Variants in ABCG5 observed in about 807,000 individuals in gnomAD.
The protein encoded by ABCG5 is ATP binding cassette subfamily G member 5, also known as ATP-binding cassette sub-family G member 5.
ABCG5 carries 64 observed loss-of-function variants against 64.5 expected under a neutral mutation model. The observed-to-expected ratio is 0.99, with a 90% CI of 0.81 to 1.22. The LOEUF is 1.22. Among genes scored for constraint, ABCG5 ranks in the 50% most tolerant of loss-of-function variants. The pLI, the probability that ABCG5 is intolerant of heterozygous loss-of-function variation, is 0.00. For synonymous variants in ABCG5, 385 were observed against 326.3 expected (o/e 1.18, Z -1.94); for missense variants, 908 against 829.5 (o/e 1.09, Z -1.16).
chr2:43,820,319 C>G (rs17031675), intron 10 of ABCG5, among the ~76,000 whole-genome samples: 2 of 152,162 alleles, frequency 1.3e-5, no homozygotes, highest in South Asian at 2.1e-4. Context: ...TGGGAGCCAC[C>G]TTTTCCCTTT....
intron 7 of ABCG5, 107 bp from the exon 8 acceptor site, chr2:43,824,539 A>G: frequency 1.3e-6 from 2 of 1,591,598 alleles, no homozygotes; most frequent in Non-Finnish European, 1.7e-6. Flanking sequence ...CATCCCATCA[A>G]GATAAAATTT....
Position 43,817,460 on chromosome 2 carries a change from G to A in ABCG5, c.1649+2455C>T, listed in dbSNP as rs191532904. 5.3e-5 allele frequency among the ~76,000 whole-genome samples: 8 copies of A among 152,044 alleles called. No homozygotes were observed. In the East Asian group the frequency reaches 1.6e-3, roughly 30 times the overall value. On this transcript the variant is annotated intron_variant, in intron 11 of 12. Coordinates refer to ENST00000405322, the MANE Select transcript of ABCG5 (RefSeq NM_022436.3). Reference sequence around the variant, plus strand: ...AGATCGTGCCATTGCATTCCAGCCTGGGTGACAGAGTGAGTGAGACTCTGC... The same window carrying A: ...AGATCGTGCCATTGCATTCCAGCCTAGGTGACAGAGTGAGTGAGACTCTGC...
chr2:43,838,995 G>C, upstream of ABCG5: 7 of 1,517,350 alleles, frequency 4.6e-6, no homozygotes, highest in Non-Finnish European at 6.3e-6. The surrounding 1 kb of genome is among the most constrained non-coding windows in gnomAD (Gnocchi z 4.2). Context: ...CACTGGCCCT[G>C]GCAGGCAGCA....
intron 12 of ABCG5, among the ~76,000 whole-genome samples, chr2:43,813,709 GTTTTTTTTTTTTTT>G (rs1214033245): frequency 1.8e-4 from 6 of 34,068 alleles, no homozygotes; most frequent in African/African-American, 2.6e-4. Flanking sequence ...TTTTTTTTTC[GTTTTTTTTTTTTTT>G]TTTTTTTTTT....
intron 2 of ABCG5, among the ~76,000 whole-genome samples, chr2:43,836,475 T>G (rs1572803535): frequency 3.9e-5 from 6 of 152,304 alleles, no homozygotes; most frequent in Admixed American, 3.9e-4. Flanking sequence ...GTGGAGCCAA[T>G]TTGTCAGAAG....
At chr2:43,828,309 G>A in intron 4 of ABCG5, 194 bp from the exon 5 acceptor site, 1 of 721,224 alleles carries the variant, frequency 1.4e-6, no homozygotes, top group Non-Finnish European at 2.3e-6. Context: ...TAATACATGT[G>A]TCAGATTTAA....
intron 9 of ABCG5, 70 bp from the exon 10 acceptor site, chr2:43,823,005 C>A: frequency 1.9e-6 from 3 of 1,589,348 alleles, no homozygotes; most frequent in Non-Finnish European, 2.6e-6. Flanking sequence ...CTAGCCCAAG[C>A]TGAATGTGAG....
chr2:43,838,537 C>G lies in ABCG5; in HGVS notation c.143G>C (p.Ser48Thr), dbSNP rs1668429557. The G allele has an allele frequency of 6.2e-7, 1 of 1,601,002 alleles. No homozygotes were observed. The highest frequency in any genetic ancestry group is 8.5e-7 in the Non-Finnish European group (1 of 1,174,524). ...AGCAGCAGCAAGGGCTCTGCCTTAC[C>G]TGACGCTGTAGGAGGCATGGAGGAT... Reference protein sequence around the residue: ...LGILHASYSVSHRVRPWWDIT... With the variant: ...LGILHASYSVTHRVRPWWDIT... The change falls in exon 1 of 13, where the codon AGC becomes ACC. Residue 48 changes from serine to threonine, a missense_variant and splice_region_variant. Physicochemically the swap from Ser to Thr is moderately conservative, Grantham distance 58. Transcript: ENST00000405322. The surrounding 1 kb of genome is among the most constrained non-coding windows in gnomAD (Gnocchi z 4.2).
chr2:43,815,675 C>G (rs993794518), intron 11 of ABCG5, among the ~76,000 whole-genome samples: 1 of 151,924 alleles, frequency 6.6e-6, no homozygotes, highest in Non-Finnish European at 1.5e-5. Flanking sequence ...ACAGGTATGC[C>G]AAGGGCTGCA....
downstream of ABCG5, chr2:43,810,602 G>T: frequency 1.2e-6 from 1 of 841,132 alleles, no homozygotes; most frequent in Non-Finnish European, 1.4e-6. Flanking sequence ...TTGACTCCCA[G>T]CTTCAGATAA....
Position 43,822,900 on chromosome 2 carries a change from G to A in ABCG5, c.1360C>T (p.Gln454Ter), listed in dbSNP as rs754506766. Residue 454 changes from glutamine to a stop codon, truncating the protein, a stop_gained, in exon 10 of 13, where the codon CAG becomes TAG. Coordinates refer to ENST00000405322, the MANE Select transcript of ABCG5 (RefSeq NM_022436.3). LOFTEE classifies it high-confidence loss of function. ...TGCCACTTCTGGTAGAGGCCGTCCT[G>A]ACTCTCCTGGTCGCTGACAGCTCGC... ...VLRAVSDQES[Q>*]DGLYQKWQMM... 3 of 1,613,996 alleles carry A rather than the reference G, an allele frequency of 1.9e-6. No homozygotes were observed. Among genetic ancestry groups the A allele is most frequent in the Non-Finnish European group, 2.5e-6 (3 of 1,180,008 alleles).
chr2:43,811,694 A>G (rs907814362), downstream of ABCG5, among the ~76,000 whole-genome samples: 9 of 151,854 alleles, frequency 5.9e-5, no homozygotes, highest in Non-Finnish European at 1.3e-4. Flanking sequence ...TCCCAGGTTC[A>G]AGCGATTCTC....
chr2:43,831,325 A>T (rs768705158), intron 4 of ABCG5, among the ~76,000 whole-genome samples: 2 of 152,038 alleles, frequency 1.3e-5, no homozygotes, highest in Non-Finnish European at 2.9e-5. Flanking sequence ...GGCGCACATC[A>T]CCACGTCCAA....
At chr2:43,833,870 G>C (rs1436021115) in intron 2 of ABCG5, among the ~76,000 whole-genome samples, 1 of 152,070 alleles carries the variant, frequency 6.6e-6, no homozygotes. Context: ...TTTTTGTAGA[G>C]ACGGGGTTTC....
Position 43,826,444 on chromosome 2 carries a change from G to A in ABCG5, c.712C>T (p.Leu238=), listed in dbSNP as rs766461333. 1 of 1,614,172 alleles carries A rather than the reference G, an allele frequency of 6.2e-7. No homozygotes were observed. The highest frequency in any genetic ancestry group is 8.5e-7 in the Non-Finnish European group (1 of 1,180,032). Residue 238 remains leucine, a synonymous_variant, in exon 6 of 13, where the codon CTG becomes TTG. Transcript: ENST00000405322. The part of the protein sequence containing the change: ...ANQIVVLLVE[L]ARRNRIVVLT... ...ACCACAATTCGGTTCCTGCGAGCCA[G>A]TTCCACCAGGAGGACGACAATCTGA...
chr2:43,823,091 G>A (rs1243505759), intron 9 of ABCG5, among the ~76,000 whole-genome samples, 156 bp from the exon 10 acceptor site: 1 of 133,768 alleles, frequency 7.5e-6, no homozygotes, highest in African/African-American at 2.8e-5. Context: ...GCCATCCACA[G>A]GACAATAAAT....
intron 6 of ABCG5, among the ~76,000 whole-genome samples, chr2:43,826,167 T>TTTC (rs1667588203): frequency 7.7e-6 from 1 of 130,502 alleles, no homozygotes; most frequent in Non-Finnish European, 1.7e-5. Context: ...TCTTTCTTTC[T>TTTC]TTTTTTTTTT....
intron 11 of ABCG5, among the ~76,000 whole-genome samples, chr2:43,818,870 T>C (rs1667014744): frequency 6.6e-6 from 1 of 152,210 alleles, no homozygotes; most frequent in Non-Finnish European, 1.5e-5. Flanking sequence ...GCTGAAATAG[T>C]GATCTCTTTT....
rs533835086 is a variant in ABCG5 at position 43,814,269 on chromosome 2, C to A, written c.1762+208G>T. 3.3e-5 allele frequency among the ~76,000 whole-genome samples: 5 copies of A among 152,290 alleles called. No homozygotes were observed. The East Asian group carries it at 9.6e-4, about 29-fold the overall frequency. On this transcript the variant is annotated intron_variant, in intron 12 of 12. Transcript: ENST00000405322. ...TCTAACAACATCCAAGTGTCCCTTA[C>A]CTGTTGACCTTTGACAGGAGACTAA...
Sources: gnomAD v4.1 joint callset for allele counts (sites outside exome capture counted in the v4.1 genomes callset) on GRCh38, gnomAD v4.1.1 for gene constraint, Gnocchi (gnomAD v3.1) non-coding constraint, MANE v1.5 for transcripts, NCBI Gene and HGNC (gene_info 2026-07-23, HGNC 2026-07-21) for gene names.